SLCO6A1: variants seen among roughly 807,000 people sequenced by gnomAD.
SLCO6A1 encodes the protein cancer/testis antigen 48.
Under a neutral mutation model 72.7 loss-of-function variants are expected in SLCO6A1, and 65 were observed. The ratio of observed to expected loss-of-function variants is 0.89; its 90% CI spans 0.73 to 1.10. SLCO6A1 has a LOEUF of 1.10. SLCO6A1 is among the 50% of genes least tolerant of loss of function. The pLI is 0.00. For missense variants in SLCO6A1, 874 were observed against 872.6 expected (o/e 1.00, Z -0.02); for synonymous variants, 314 against 298.2 (o/e 1.05, Z -0.55).
chr5:102,493,703 C>G (rs888727902), intron 1 of SLCO6A1, among the ~76,000 whole-genome samples: 4 of 152,042 alleles, frequency 2.6e-5, no homozygotes, highest in Non-Finnish European at 5.9e-5. Flanking sequence ...GTAAAACTGT[C>G]CTTATTCACA....
At chr5:102,473,131 G>T (rs905414173) in intron 4 of SLCO6A1, among the ~76,000 whole-genome samples, 3 of 151,790 alleles carry the variant, frequency 2.0e-5, no homozygotes, top group Non-Finnish European at 4.4e-5. Context: ...CTTTCTATGT[G>T]GCCAACATAC....
At chr5:102,488,528 C>G (rs1455830125) in intron 1 of SLCO6A1, among the ~76,000 whole-genome samples, 1 of 152,204 alleles carries the variant, frequency 6.6e-6, no homozygotes, top group African/African-American at 2.4e-5. Flanking sequence ...TTCTCTCATT[C>G]TGCTGAGAAT....
At chr5:102,378,663 T>C (rs971338325) in intron 12 of SLCO6A1, among the ~76,000 whole-genome samples, 1 of 152,220 alleles carries the variant, frequency 6.6e-6, no homozygotes, top group African/African-American at 2.4e-5. Context: ...CAACATAATG[T>C]TTGTGTGATT....
chr5:102,455,923 C>A (rs1188320252), intron 6 of SLCO6A1, among the ~76,000 whole-genome samples: 2 of 152,212 alleles, frequency 1.3e-5, no homozygotes, highest in African/African-American at 4.8e-5. Flanking sequence ...AAGTGGGCTT[C>A]ATCCCTGGGA....
chr5:102,402,992 T>G (rs1303491546), intron 9 of SLCO6A1, among the ~76,000 whole-genome samples: 1 of 152,208 alleles, frequency 6.6e-6, no homozygotes, highest in African/African-American at 2.4e-5. Context: ...GAATTTTCTT[T>G]GTAGCTTATT....
intron 8 of SLCO6A1, among the ~76,000 whole-genome samples, chr5:102,414,929 AAATAAATAAATT>A (rs1014514174): frequency 2.2e-5 from 2 of 89,784 alleles, no homozygotes; most frequent in African/African-American, 7.7e-5. Context: ...ATAAATAAAT[AAATAAATAAATT>A]AATTAATAAG....
intron 10 of SLCO6A1, among the ~76,000 whole-genome samples, chr5:102,394,358 G>A (rs938110152): frequency 5.3e-5 from 8 of 151,886 alleles, no homozygotes; most frequent in Non-Finnish European, 7.4e-5. Flanking sequence ...TTGTAATATC[G>A]TTACATGCTT....
chr5:102,388,837 G>A lies in SLCO6A1; in HGVS notation c.1880-12C>T. The A allele has an allele frequency of 6.3e-7, 1 of 1,587,100 alleles. No homozygotes were observed. The highest frequency in any genetic ancestry group is 8.5e-7 in the Non-Finnish European group (1 of 1,172,178). ...TCCAGGAATAGTCCCTATGAAAAAT[G>A]CAATGATTGTAAATTCTTTGTGAAA... is the stretch of plus-strand genomic sequence containing the variant. On this transcript the variant is annotated splice_polypyrimidine_tract_variant and intron_variant, in intron 11 of 13. Coordinates refer to ENST00000506729, the MANE Select transcript of SLCO6A1 (RefSeq NM_173488.5).
intron 6 of SLCO6A1, among the ~76,000 whole-genome samples, chr5:102,449,389 C>A (rs978645918): frequency 6.8e-5 from 7 of 103,504 alleles, no homozygotes; most frequent in Non-Finnish European, 1.2e-4. Flanking sequence ...TTTGAATTTC[C>A]TGATTTTTTT....
At chr5:102,402,745 C>T (rs1000616289) in intron 9 of SLCO6A1, among the ~76,000 whole-genome samples, 9 of 152,144 alleles carry the variant, frequency 5.9e-5, no homozygotes, top group Admixed American at 1.3e-4. Flanking sequence ...AAAGTCTTCA[C>T]GGCTGAATCA....
intron 10 of SLCO6A1, among the ~76,000 whole-genome samples, chr5:102,391,693 T>A (rs1444681351): frequency 2.0e-5 from 3 of 152,162 alleles, no homozygotes; most frequent in African/African-American, 7.2e-5. Context: ...AATGCACTAT[T>A]ATTTGGGATT....
At chr5:102,489,889 T>C (rs921076148) in intron 1 of SLCO6A1, among the ~76,000 whole-genome samples, 7 of 152,196 alleles carry the variant, frequency 4.6e-5, no homozygotes, top group African/African-American at 1.2e-4. Flanking sequence ...GTGGTATATA[T>C]ACATAATGGA....
At position 102,388,752 on chromosome 5, in the gene SLCO6A1, A is replaced by G. The variant is rs1291536463; in HGVS notation, c.1953T>C (p.Cys651=). 1 of 1,608,336 alleles carries G rather than the reference A, an allele frequency of 6.2e-7. No homozygotes were observed. The highest frequency in any genetic ancestry group is 1.1e-5 in the South Asian group (1 of 89,784). Residue 651 remains cysteine (C), a synonymous_variant, in exon 12 of 14, where the codon TGT becomes TGC. Coordinates refer to ENST00000506729, the MANE Select transcript of SLCO6A1 (RefSeq NM_173488.5). ...ATATCCAACAACGTCCTGTGTGTCCACATTTATTAACATCCCGTAAAATAC... is the reference window on the plus strand; with the variant it reads ...ATATCCAACAACGTCCTGTGTGTCCGCATTTATTAACATCCCGTAAAATAC... ...TSCILRDVNK[C]GHTGRCWIYN...
At chr5:102,442,698 A>G (rs1376908) in intron 6 of SLCO6A1, among the ~76,000 whole-genome samples, 84,011 of 152,042 alleles carry the variant, frequency 0.55, 24,410 homozygotes, top group Non-Finnish European at 0.64. Flanking sequence ...GCAATTTATC[A>G]TAAGGTTAAA....
At chr5:102,463,907 A>AC (rs1751177454) in intron 4 of SLCO6A1, among the ~76,000 whole-genome samples, 1 of 151,698 alleles carries the variant, frequency 6.6e-6, no homozygotes, top group African/African-American at 2.4e-5. Flanking sequence ...AAAAAAAAAA[A>AC]AAAACAGGAA....
chr5:102,497,517 G>A lies in SLCO6A1; in HGVS notation c.358+970C>T, dbSNP rs1161121817. On this transcript the variant is annotated intron_variant, in intron 1 of 13. Coordinates refer to ENST00000506729, the MANE Select transcript of SLCO6A1 (RefSeq NM_173488.5). ...GGCCCTCATCACCCACAATGTGTAG[G>A]ATGGACTGTGCCAGTCAGGTTCTGG... is the stretch of plus-strand genomic sequence containing the variant. Among the ~76,000 whole-genome samples, 6 of 152,202 alleles carry A rather than the reference G, an allele frequency of 3.9e-5. No homozygotes were observed. The East Asian group carries it at 1.2e-3, about 29-fold the overall frequency.
At position 102,465,047 on chromosome 5, in the gene SLCO6A1, C is replaced by T. The variant is rs549176231; in HGVS notation, c.900-5270G>A. 1.3e-4 allele frequency among the ~76,000 whole-genome samples: 20 copies of T among 152,152 alleles called. No homozygotes were observed. The South Asian group carries it at 4.1e-3, about 32-fold the overall frequency. On this transcript the variant is annotated intron_variant, in intron 4 of 13. Coordinates refer to ENST00000506729, the MANE Select transcript of SLCO6A1 (RefSeq NM_173488.5). ...AATTCTTGAGATAACTACACCAAAT[C>T]CTGTTAGCTATTATACAATTATTGG... is the stretch of plus-strand genomic sequence containing the variant.
At chr5:102,397,990 T>C (rs188514193) in intron 10 of SLCO6A1, among the ~76,000 whole-genome samples, 22 of 152,292 alleles carry the variant, frequency 1.4e-4, no homozygotes, top group Admixed American at 1.1e-3. Context: ...AAACATTGAA[T>C]GTTTCAAAGA....
At position 102,387,181 on chromosome 5, in the gene SLCO6A1, A is replaced by AT. The variant is rs533929622; in HGVS notation, c.2017+1506dup. Among the ~76,000 whole-genome samples the AT allele has an allele frequency of 1.6e-3, 239 of 152,238 alleles. 2 individuals carry two copies. Among genetic ancestry groups the AT allele is most frequent in the African/African-American group, 5.6e-3 (232 of 41,550 alleles). On this transcript the variant is annotated intron_variant, in intron 12 of 13. Transcript: ENST00000506729. ...TCTAATTCAGGGCCTCAGAATGTAT[A>AT]TTTTTAATAAGAACACCAAGTGATT...
Sources: allele counts gnomAD v4.1 joint callset (sites outside exome capture counted in the v4.1 genomes callset), GRCh38; gene constraint gnomAD v4.1.1; transcripts MANE v1.5; gene names NCBI Gene and HGNC (gene_info 2026-07-23, HGNC 2026-07-21).